The following STAM variants were observed in gnomAD, a reference collection of about 807,000 sequenced individuals.
The protein encoded by STAM is signal transducing adapter molecule 1.
In STAM, 16 loss-of-function variants were observed where a neutral mutation model predicts 63.4. The observed-to-expected ratio is 0.25, with a 90% CI of 0.17 to 0.38. The LOEUF (loss-of-function observed/expected upper bound fraction) is 0.38. Ranked by LOEUF, STAM falls within the 10% of genes least tolerant of loss-of-function variation. The pLI, the probability that STAM is intolerant of heterozygous loss-of-function variation, is 1.00. For missense variants in STAM, 636 were observed against 657.1 expected (o/e 0.97, Z 0.35); for synonymous variants, 238 against 223.9 (o/e 1.06, Z -0.56).
At chr10:17,686,279 C>G (rs61842309) in intron 4 of STAM, among the ~76,000 whole-genome samples, 15,776 of 152,052 alleles carry the variant, frequency 0.1, 859 homozygotes, top group Middle Eastern at 0.16. Flanking sequence ...GTGCAAGCAG[C>G]CATTTCCAAA....
At chr10:17,691,957 C>T (rs1349841781) in intron 5 of STAM, among the ~76,000 whole-genome samples, 1 of 152,088 alleles carries the variant, frequency 6.6e-6, no homozygotes, top group African/African-American at 2.4e-5. Flanking sequence ...TGTGTATTAC[C>T]TCTACATACG....
chr10:17,702,581 G>C (rs1216544068), intron 9 of STAM, among the ~76,000 whole-genome samples: 2 of 152,186 alleles, frequency 1.3e-5, no homozygotes, highest in Admixed American at 1.3e-4. Flanking sequence ...ATGTGAAGGG[G>C]TTTATGGGCT....
intron 2 of STAM, among the ~76,000 whole-genome samples, chr10:17,678,295 C>T (rs1834936534): frequency 1.3e-5 from 2 of 151,592 alleles, no homozygotes; most frequent in Admixed American, 6.6e-5. Context: ...CGCTGTGTTG[C>T]CCAGGCTAGA....
chr10:17,688,240 AT>A, intron 5 of STAM, 67 bp downstream of exon 5: 1 of 1,333,534 alleles, frequency 7.5e-7, no homozygotes, highest in Non-Finnish European at 9.7e-7. Flanking sequence ...ATTTATTTGA[AT>A]TTTTTTCTTC....
At chr10:17,702,402 G>A (rs1935832425) in intron 9 of STAM, among the ~76,000 whole-genome samples, 1 of 152,116 alleles carries the variant, frequency 6.6e-6, no homozygotes, top group Non-Finnish European at 1.5e-5. Context: ...AGAGACTGTT[G>A]TTTGAATGGT....
At position 17,705,653 on chromosome 10, in the gene STAM, T is replaced by A. The variant is rs1554829144; in HGVS notation, c.1121T>A (p.Leu374Ter). 6.2e-7 allele frequency: 1 copy of A among 1,614,038 alleles called. No individual in the cohort carries two copies. Among genetic ancestry groups the A allele is most frequent in the South Asian group, 1.1e-5 (1 of 91,046 alleles). ...GAGGCCCTTTCCTTATATACCAAGT[T>A]AATGAACGAAGATCCGATGTATTCC... ...VMEALSLYTK[L>*]MNEDPMYSMY... The change falls in exon 12 of 14, where the codon TTA (leucine) becomes TAA (stop). Residue 374 changes from leucine to a stop codon, truncating the protein, a stop_gained. Coordinates refer to ENST00000377524, the MANE Select transcript of STAM (RefSeq NM_003473.4). LOFTEE classifies it high-confidence loss of function.
At chr10:17,711,853 G>A (rs1836570275) in intron 13 of STAM, among the ~76,000 whole-genome samples, 1 of 152,232 alleles carries the variant, frequency 6.6e-6, no homozygotes, top group African/African-American at 2.4e-5. Context: ...TTAAATGGCA[G>A]TAGCGTAGAT....
chr10:17,644,984 G>A (rs1280302262), intron 1 of STAM, among the ~76,000 whole-genome samples: 5 of 152,196 alleles, frequency 3.3e-5, no homozygotes, highest in Admixed American at 2.0e-4. Flanking sequence ...CTAGGTCTCT[G>A]CACTTTAAAA....
At chr10:17,710,171 C>T (rs961965515) in intron 13 of STAM, among the ~76,000 whole-genome samples, 9 of 151,980 alleles carry the variant, frequency 5.9e-5, no homozygotes, top group African/African-American at 2.2e-4. Flanking sequence ...CCCTGCTAGT[C>T]CTCTGTTTGA....
chr10:17,715,812 C>G lies in STAM; in HGVS notation c.*1032C>G, dbSNP rs945417645. 1.3e-5 allele frequency: 2 copies of G among 152,548 alleles called. No individual in the cohort carries two copies. Among genetic ancestry groups the G allele is most frequent in the Admixed American group, 1.3e-4 (2 of 15,274 alleles). The allele number at this position is 152,548 out of a possible 1,614,324, so 9.4% of individuals were successfully genotyped here. ...TTTGGGATATCAACAAAATTTGATTCGTCTGTCTAATCCCTTGCTAGTATT... is the reference window on the plus strand; with the variant it reads ...TTTGGGATATCAACAAAATTTGATTGGTCTGTCTAATCCCTTGCTAGTATT... On this transcript the variant is annotated 3_prime_UTR_variant, in exon 14 of 14. Transcript: ENST00000377524.
At chr10:17,699,453 T>C (rs1835896807) in intron 8 of STAM, among the ~76,000 whole-genome samples, 1 of 152,214 alleles carries the variant, frequency 6.6e-6, no homozygotes, top group South Asian at 2.1e-4. Flanking sequence ...TCAGTAGTAT[T>C]TGGAGGTTGT....
At position 17,695,269 on chromosome 10, in the gene STAM, G is replaced by A. The variant is rs781938220; in HGVS notation, c.728+28G>A. The A allele has an allele frequency of 1.9e-6, 3 of 1,594,274 alleles. No homozygotes were observed. In the South Asian group the frequency reaches 3.3e-5, roughly 18 times the overall value. ...AATGTTAATATTACATTTAAAATTT[G>A]TATGAAAGTGTGTATGGCTTCTGTG... On this transcript the variant is annotated intron_variant, in intron 7 of 13. Transcript: ENST00000377524.
chr10:17,686,699 T>G (rs1240420474), intron 4 of STAM, among the ~76,000 whole-genome samples: 2 of 152,148 alleles, frequency 1.3e-5, no homozygotes, highest in African/African-American at 4.8e-5. Flanking sequence ...TTTTAAAAAA[T>G]TTCCTTTTAT....
At chr10:17,703,594 C>A (rs4748404) in intron 9 of STAM, among the ~76,000 whole-genome samples, 11,354 of 152,054 alleles carry the variant, frequency 0.075, 447 homozygotes, top group Middle Eastern at 0.13. Flanking sequence ...AACATAAATA[C>A]ATATATACTT....
intron 13 of STAM, among the ~76,000 whole-genome samples, chr10:17,713,597 G>T (rs1836660221): frequency 6.6e-6 from 1 of 151,728 alleles, no homozygotes; most frequent in African/African-American, 2.4e-5. Context: ...CCAGTTTTTA[G>T]GTTCTAAACC....
At chr10:17,693,483 C>T (rs991645313) in intron 6 of STAM, among the ~76,000 whole-genome samples, 171 bp downstream of exon 6, 1 of 152,118 alleles carries the variant, frequency 6.6e-6, no homozygotes, top group African/African-American at 2.4e-5. Flanking sequence ...CACATGTATC[C>T]TTTCAGTCTA....
chr10:17,690,789 A>G (rs1325437794), intron 5 of STAM, among the ~76,000 whole-genome samples: 1 of 152,230 alleles, frequency 6.6e-6, no homozygotes, highest in Non-Finnish European at 1.5e-5. Context: ...ATACTGATGC[A>G]GTTCTGTTAG....
In STAM at chr10:17,714,935, T is replaced by C; in HGVS notation, c.*155T>C. ...TCAAGAAGGTAGAACTCTCCTCAAT[T>C]TACACTGACTTTTTAGAGGTTCTTC... On this transcript the variant is annotated 3_prime_UTR_variant, in exon 14 of 14. Transcript: ENST00000377524. The C allele has an allele frequency of 4.2e-6, 3 of 713,366 alleles. No homozygotes were observed. The highest frequency in any genetic ancestry group is 4.7e-6 in the Non-Finnish European group (2 of 429,172). The allele number at this position is 713,366 out of a possible 1,614,324, so 44.2% of individuals were successfully genotyped here.
chr10:17,693,754 A>T (rs912301535), intron 6 of STAM, among the ~76,000 whole-genome samples: 2 of 151,786 alleles, frequency 1.3e-5, no homozygotes, highest in Non-Finnish European at 2.9e-5. Flanking sequence ...ATTTTTTTTT[A>T]CTAAAATTAA....
Sources: gnomAD v4.1 joint callset for allele counts (sites outside exome capture counted in the v4.1 genomes callset) on GRCh38, gnomAD v4.1.1 for gene constraint, MANE v1.5 for transcripts, NCBI Gene and HGNC (gene_info 2026-07-23, HGNC 2026-07-21) for gene names.